RIN3: variants seen among roughly 807,000 people sequenced by gnomAD.
RIN3 encodes the protein Ras and Rab interactor 3.
Under a neutral mutation model 76.3 loss-of-function variants are expected in RIN3, and 54 were observed. The observed-to-expected ratio is 0.71, with a 90% CI of 0.57 to 0.89. The LOEUF (loss-of-function observed/expected upper bound fraction) is 0.89. RIN3 is among the 40% of genes least tolerant of loss of function. RIN3 has a pLI of 0.00. For missense variants in RIN3, 1,256 were observed against 1,322.1 expected (o/e 0.95, Z 0.78); for synonymous variants, 576 against 564.0 (o/e 1.02, Z -0.30).
At chr14:92,627,259 C>G (rs1388522226) in intron 4 of RIN3, among the ~76,000 whole-genome samples, 1 of 152,200 alleles carries the variant, frequency 6.6e-6, no homozygotes, top group Non-Finnish European at 1.5e-5. Flanking sequence ...TCTAGAGGCT[C>G]AACCCCCATT....
chr14:92,608,981 C>A (rs1469718941), intron 3 of RIN3, among the ~76,000 whole-genome samples: 1 of 151,954 alleles, frequency 6.6e-6, no homozygotes, highest in Non-Finnish European at 1.5e-5. Flanking sequence ...TTTGGTGCAC[C>A]TATCACCTGA....
chr14:92,631,134 C>T (rs950396365), intron 4 of RIN3, among the ~76,000 whole-genome samples: 5 of 152,204 alleles, frequency 3.3e-5, no homozygotes, highest in Non-Finnish European at 7.3e-5. Flanking sequence ...GTGTCCCCAG[C>T]ACCATGCTGA....
chr14:92,654,643 G>A (rs1038317686), intron 6 of RIN3, among the ~76,000 whole-genome samples: 3 of 152,242 alleles, frequency 2.0e-5, no homozygotes, highest in Non-Finnish European at 4.4e-5. Flanking sequence ...CAGGCCACAG[G>A]ATTCATGATG....
At chr14:92,640,023 C>T (rs903487416) in intron 4 of RIN3, among the ~76,000 whole-genome samples, 4 of 134,798 alleles carry the variant, frequency 3.0e-5, no homozygotes, top group East Asian at 2.3e-4. Context: ...ACTGTGTGTT[C>T]GTCGAGGGCT....
At chr14:92,558,448 A>G (rs1345462629) in intron 2 of RIN3, among the ~76,000 whole-genome samples, 1 of 152,248 alleles carries the variant, frequency 6.6e-6, no homozygotes, top group Non-Finnish European at 1.5e-5. Flanking sequence ...TGCTTTGCAG[A>G]TATCATCTTG....
chr14:92,619,176 A>G (rs1886080030), intron 4 of RIN3, among the ~76,000 whole-genome samples: 1 of 152,188 alleles, frequency 6.6e-6, no homozygotes, highest in African/African-American at 2.4e-5. Context: ...GTACCTAAAC[A>G]TGTCAAATAA....
chr14:92,582,845 AG>A (rs1338563205), intron 3 of RIN3, among the ~76,000 whole-genome samples: 1 of 152,172 alleles, frequency 6.6e-6, no homozygotes, highest in Non-Finnish European at 1.5e-5. Context: ...AGAAAGCAGC[AG>A]GTAACTTGTT....
intron 7 of RIN3, among the ~76,000 whole-genome samples, chr14:92,660,103 G>T (rs959060971): frequency 6.6e-6 from 1 of 152,224 alleles, no homozygotes; most frequent in Admixed American, 6.5e-5. Flanking sequence ...AAGGTTAAGG[G>T]TTAAGACTTC....
chr14:92,594,552 A>G (rs1351704578), intron 3 of RIN3, among the ~76,000 whole-genome samples: 1 of 152,248 alleles, frequency 6.6e-6, no homozygotes, highest in Non-Finnish European at 1.5e-5. Context: ...GAGATTTAAC[A>G]ACACACTTCT....
rs576336581 is a variant in RIN3, at chr14:92,663,685, C to T, written c.2335+4216C>T. ...CAGAGCCTCAGCATCTTCACCTGGGCGGAATTAGGTTCTGCTCAAATCGGT... is the reference window on the plus strand; with the variant it reads ...CAGAGCCTCAGCATCTTCACCTGGGTGGAATTAGGTTCTGCTCAAATCGGT... On this transcript the variant is annotated intron_variant, in intron 7 of 9. Transcript: ENST00000216487. 2.3e-4 allele frequency among the ~76,000 whole-genome samples: 35 copies of T among 152,314 alleles called. No homozygotes were observed. In the South Asian group the frequency reaches 3.5e-3, roughly 15 times the overall value.
intron 6 of RIN3, among the ~76,000 whole-genome samples, chr14:92,653,683 C>T (rs536806647): frequency 2.6e-5 from 4 of 152,276 alleles, no homozygotes; most frequent in South Asian, 2.1e-4. Context: ...TTGTGGTTCA[C>T]GGTGAAAAGT....
chr14:92,650,676 T>C (rs1887382359), intron 5 of RIN3, among the ~76,000 whole-genome samples: 1 of 152,226 alleles, frequency 6.6e-6, no homozygotes, highest in Non-Finnish European at 1.5e-5. Context: ...GCCTATGCAC[T>C]GACTGCAATT....
chr14:92,520,897 A>G (rs1249675669), intron 1 of RIN3, among the ~76,000 whole-genome samples: 1 of 151,988 alleles, frequency 6.6e-6, no homozygotes, highest in Non-Finnish European at 1.5e-5. Context: ...TTCTCTAGGG[A>G]TGTTGCAGTT....
At chr14:92,668,767 T>C (rs1016593497) in intron 7 of RIN3, among the ~76,000 whole-genome samples, 3 of 152,162 alleles carry the variant, frequency 2.0e-5, no homozygotes, top group Admixed American at 2.0e-4. Flanking sequence ...GGGGCCGCCA[T>C]GGGAACAGTG....
At chr14:92,612,710 G>A (rs141669876) in intron 3 of RIN3, among the ~76,000 whole-genome samples, 1 of 152,356 alleles carries the variant, frequency 6.6e-6, no homozygotes, top group African/African-American at 2.4e-5. Context: ...GAAAGGGCAG[G>A]GGCTGGGGCC....
rs114037452 is a variant in RIN3 at position 92,663,789 on chromosome 14, G to A, written c.2335+4320G>A. Among the ~76,000 whole-genome samples, 508 of 152,218 alleles carry A rather than the reference G, an allele frequency of 3.3e-3. 3 individuals carry two copies. The highest frequency in any genetic ancestry group is 0.011 in the African/African-American group (476 of 41,534). ...GGTCCTGGTTTTGAATCCCAGCTTC[G>A]GTGCTATAGCCTTGGACATTAATCT... On this transcript the variant is annotated intron_variant, in intron 7 of 9. Transcript: ENST00000216487.
intron 4 of RIN3, among the ~76,000 whole-genome samples, chr14:92,632,657 CTG>C (rs1393797198): frequency 2.6e-5 from 4 of 152,226 alleles, no homozygotes; most frequent in African/African-American, 9.6e-5. Context: ...GCCCAGGAGA[CTG>C]ACTACCAGGC....
chr14:92,608,554 A>T (rs1327247338), intron 3 of RIN3, among the ~76,000 whole-genome samples: 2 of 141,800 alleles, frequency 1.4e-5, no homozygotes, highest in African/African-American at 2.7e-5. Context: ...TTTTTTTTTG[A>T]GACAGAGTCT....
intron 3 of RIN3, among the ~76,000 whole-genome samples, chr14:92,582,530 G>T (rs981666947): frequency 7.0e-6 from 1 of 143,214 alleles, no homozygotes; most frequent in Non-Finnish European, 1.5e-5. Context: ...TTGGCTTACT[G>T]CAACCTCTGC....
Sources: gnomAD v4.1 joint callset for allele counts (sites outside exome capture counted in the v4.1 genomes callset) on GRCh38, gnomAD v4.1.1 for gene constraint, MANE v1.5 for transcripts, NCBI Gene and HGNC (gene_info 2026-07-23, HGNC 2026-07-21) for gene names.